The following NEDD4L variants were observed in gnomAD, a reference collection of about 807,000 sequenced individuals.
NEDD4L encodes E3 ubiquitin-protein ligase NEDD4-like.
A neutral mutation model predicts 148.9 loss-of-function variants in NEDD4L; 54 were observed. That is an observed-to-expected ratio of 0.36 (90% CI 0.29 to 0.45). The LOEUF (loss-of-function observed/expected upper bound fraction) is 0.45, where lower values mean the gene tolerates loss of function less well. NEDD4L is among the 20% of genes least tolerant of loss of function. The pLI is 1.00. For synonymous variants in NEDD4L, 433 were observed against 440.7 expected (o/e 0.98, Z 0.22); for missense variants, 856 against 1,233.8 (o/e 0.69, Z 4.59).
At chr18:58,161,974 CTT>C in intron 1 of NEDD4L, among the ~76,000 whole-genome samples, 1 of 152,232 alleles carries the variant, frequency 6.6e-6, no homozygotes, top group Admixed American at 6.5e-5. Flanking sequence ...AAAAGGGACA[CTT>C]TTCTGTGGAA....
At chr18:58,215,808 G>A (rs1006310001) in intron 2 of NEDD4L, among the ~76,000 whole-genome samples, 10 of 152,070 alleles carry the variant, frequency 6.6e-5, no homozygotes, top group Non-Finnish European at 4.4e-5. Context: ...AGGAGAGAAT[G>A]TATATTTATA....
intron 5 of NEDD4L, among the ~76,000 whole-genome samples, chr18:58,296,425 A>G (rs2055579963): frequency 6.6e-6 from 1 of 152,170 alleles, no homozygotes; most frequent in African/African-American, 2.4e-5. Flanking sequence ...ATCCTCTCAC[A>G]GTTTTGGAGG....
intron 17 of NEDD4L, 83 bp downstream of exon 17, chr18:58,349,697 CCTT>C (rs1435121604): frequency 1.9e-6 from 2 of 1,032,838 alleles, no homozygotes; most frequent in Non-Finnish European, 3.0e-6. Context: ...GCCCTGTGGA[CCTT>C]CTCTATCTCC....
chr18:58,116,089 G>A (rs531939858), intron 1 of NEDD4L, among the ~76,000 whole-genome samples: 9 of 152,250 alleles, frequency 5.9e-5, no homozygotes, highest in Non-Finnish European at 1.0e-4. Context: ...GGGACCCAGC[G>A]CACACCCCAG....
At chr18:58,158,526 T>C (rs1457929163) in intron 1 of NEDD4L, among the ~76,000 whole-genome samples, 1 of 152,218 alleles carries the variant, frequency 6.6e-6, no homozygotes, top group Admixed American at 6.5e-5. Context: ...TTTTCCCATT[T>C]GTTAACCCTT....
chr18:58,113,866 T>C (rs937491043), intron 1 of NEDD4L, among the ~76,000 whole-genome samples: 1 of 151,998 alleles, frequency 6.6e-6, no homozygotes, highest in African/African-American at 2.4e-5. Flanking sequence ...GGACAAGTTA[T>C]GAACTGAGAC....
chr18:58,204,332 A>G (rs2041762315), intron 2 of NEDD4L, among the ~76,000 whole-genome samples: 1 of 152,222 alleles, frequency 6.6e-6, no homozygotes, highest in Non-Finnish European at 1.5e-5. Context: ...CTTCTCAAAA[A>G]AAAAAATGCC....
chr18:58,289,417 A>G (rs2054386816), intron 5 of NEDD4L, among the ~76,000 whole-genome samples: 2 of 152,206 alleles, frequency 1.3e-5, no homozygotes, highest in South Asian at 4.1e-4. Flanking sequence ...GATTTGATGG[A>G]AAAAGCAGCG....
At chr18:58,384,429 A>G (rs1459135744) in intron 25 of NEDD4L, among the ~76,000 whole-genome samples, 1 of 152,228 alleles carries the variant, frequency 6.6e-6, no homozygotes, top group African/African-American at 2.4e-5. Context: ...GAACAATCTT[A>G]GCTGATGACA....
intron 24 of NEDD4L, 130 bp downstream of exon 24, chr18:58,373,399 T>C (rs1601829852): frequency 3.1e-6 from 2 of 636,268 alleles, no homozygotes; most frequent in Non-Finnish European, 5.8e-6. Flanking sequence ...AATTTTCATC[T>C]CATTGTAGCA....
At chr18:58,350,636 C>T (rs1330726130) in intron 17 of NEDD4L, among the ~76,000 whole-genome samples, 4 of 152,178 alleles carry the variant, frequency 2.6e-5, no homozygotes, top group Non-Finnish European at 5.9e-5. Context: ...TTTATATTAA[C>T]CCCCTCTTCC....
intron 5 of NEDD4L, among the ~76,000 whole-genome samples, chr18:58,286,331 G>A (rs1411857418): frequency 6.6e-6 from 1 of 152,194 alleles, no homozygotes; most frequent in African/African-American, 2.4e-5. Context: ...ATCAATAAAG[G>A]TGCCAATTTA....
chr18:58,050,794 T>G (rs1051459402), intron 1 of NEDD4L, among the ~76,000 whole-genome samples: 1 of 151,848 alleles, frequency 6.6e-6, no homozygotes, highest in African/African-American at 2.4e-5. Context: ...TAGTTTTGCT[T>G]AAAGGGTGAG....
At chr18:58,333,699 A>T in intron 11 of NEDD4L, 119 bp from the exon 12 acceptor site, 3 of 705,928 alleles carry the variant, frequency 4.2e-6, no homozygotes, top group Non-Finnish European at 7.7e-6. Context: ...TGTTTCATTT[A>T]ATTACCTTCT....
At chr18:58,349,477 C>G in intron 16 of NEDD4L, 60 bp from the exon 17 acceptor site, 1 of 1,394,352 alleles carries the variant, frequency 7.2e-7, no homozygotes, top group Non-Finnish European at 1.0e-6. Context: ...GAAAAGCACC[C>G]AGTAACTGCA....
At chr18:58,047,330 T>G in intron 1 of NEDD4L, 2 of 985,086 alleles carry the variant, frequency 2.0e-6, no homozygotes, top group Non-Finnish European at 2.4e-6. Flanking sequence ...GATTTGAGAT[T>G]GTTGAAAAGC....
intron 5 of NEDD4L, among the ~76,000 whole-genome samples, chr18:58,301,471 C>T (rs113735431): frequency 6.6e-6 from 1 of 152,224 alleles, no homozygotes; most frequent in African/African-American, 2.4e-5. Flanking sequence ...AGGGAGGTAC[C>T]CTGTAGAATA....
chr18:58,326,698 G>A (rs192912829), intron 9 of NEDD4L, among the ~76,000 whole-genome samples: 2 of 152,114 alleles, frequency 1.3e-5, no homozygotes, highest in African/African-American at 2.4e-5. Context: ...GTGGCCAGGA[G>A]CAACTCACAA....
chr18:58,067,948 G>A (rs1188662935), intron 1 of NEDD4L, among the ~76,000 whole-genome samples: 1 of 152,120 alleles, frequency 6.6e-6, no homozygotes, highest in African/African-American at 2.4e-5. Context: ...CTGTTTGGGA[G>A]AAGGGGTACA....
Sources: allele counts gnomAD v4.1 joint callset (sites outside exome capture counted in the v4.1 genomes callset), GRCh38; gene constraint gnomAD v4.1.1; transcripts MANE v1.5; gene names NCBI Gene and HGNC (gene_info 2026-07-23, HGNC 2026-07-21).